The following FCAMR variants were observed in gnomAD, a reference collection of about 807,000 sequenced individuals.
FCAMR encodes the protein Fc alpha and mu receptor.
A neutral mutation model predicts 52.2 loss-of-function variants in FCAMR; 51 were observed. The ratio of observed to expected loss-of-function variants is 0.98; its 90% confidence interval spans 0.78 to 1.23. The LOEUF is 1.23. Ranked by LOEUF, FCAMR falls within the 50% of genes most tolerant of loss-of-function variation. FCAMR has a pLI of 0.00. For missense variants in FCAMR, 719 were observed against 712.6 expected (o/e 1.01, Z -0.10); for synonymous variants, 282 against 262.0 (o/e 1.08, Z -0.74).
At chr1:206,965,994 C>G in intron 3 of FCAMR, 136 bp from the exon 4 acceptor site, 1 of 1,174,022 alleles carries the variant, frequency 8.5e-7, no homozygotes, top group Non-Finnish European at 1.2e-6. Context: ...CAAGTAAGAG[C>G]TGCCTGCCCT....
In FCAMR at chr1:206,970,152, G is replaced by GA. The variant is rs1680880115; in HGVS notation, c.-28dup. On this transcript the variant is annotated 5_prime_UTR_variant, in exon 1 of 8. Transcript: ENST00000324852. ...TCAGTCCAGAAACAAGATCCAGGTG[G>GA]ACTTTTCTTCTCCTTATGAGATGCA... 8 of 1,613,684 alleles carry GA rather than the reference G, an allele frequency of 5.0e-6. No individual in the cohort carries two copies. Among genetic ancestry groups the GA allele is most frequent in the Non-Finnish European group, 5.9e-6 (7 of 1,179,786 alleles).
Position 206,959,799 on chromosome 1 carries a change from T to TACAGTG in FCAMR, c.1455-8_1455-3dup, listed in dbSNP as rs1317903472. 3.7e-6 allele frequency: 6 copies of TACAGTG among 1,610,514 alleles called. No homozygotes were observed. Among genetic ancestry groups the TACAGTG allele is most frequent in the Non-Finnish European group, 5.1e-6 (6 of 1,176,824 alleles). On this transcript the variant is annotated splice_polypyrimidine_tract_variant and splice_region_variant and intron_variant, in intron 6 of 7. Transcript: ENST00000324852. The stretch of plus-strand genomic sequence containing the variant: ...CTGCTTTCATCTTCTGGAAAAGTAC[T>TACAGTG]ACAGTGGGGGTGGAAAGAGCACAGG...
rs1388495977 is a variant in FCAMR at position 206,962,478 on chromosome 1, A to G, written c.387T>C (p.Tyr129=). 2 of 1,611,966 alleles carry G rather than the reference A, an allele frequency of 1.2e-6. No individual in the cohort carries two copies. The highest frequency in any genetic ancestry group is 2.2e-5 in the South Asian group (2 of 91,020). The stretch of plus-strand genomic sequence containing the variant: ...GGTGCCTGTTGACAGATGAGGGGGC[A>G]TAATGGCACTGGATGGTGACAGCTC... ...PGGAVTIQCH[Y]APSSVNRHQR... The change falls in exon 5 of 8, where the codon TAT becomes TAC. Residue 129 remains tyrosine, a synonymous_variant. Transcript: ENST00000324852.
rs1248115844 is a variant in FCAMR, at chr1:206,960,461, C to T, written c.1415G>A (p.Gly472Glu). ...QATLSQTPAV[G>E]PWGPPGKESS... ...CTCCTTGCCAGGGGGTCCCCAGGGT[C>T]CTACTGCCGGGGTCTGGCTCAGTGT... The change falls in exon 6 of 8, where the codon GGA becomes GAA. Residue 472 changes from glycine to glutamate, a missense_variant. Transcript: ENST00000324852. 6.5e-7 allele frequency: 1 copy of T among 1,531,122 alleles called. No homozygotes were observed. Among genetic ancestry groups the T allele is most frequent in the South Asian group, 1.2e-5 (1 of 80,524 alleles). 94.8% of individuals were successfully genotyped at this position (1,531,122 alleles called of 1,614,324 possible). A position where few individuals can be genotyped will look rare whatever the true frequency, so the allele number is the denominator to read the frequency against.
intron 1 of FCAMR, chr1:206,969,280 A>C (rs1166428539): frequency 2.2e-6 from 1 of 456,376 alleles, no homozygotes; most frequent in East Asian, 7.0e-5. Flanking sequence ...TCAGGGAGAA[A>C]AGCCGGCTCC....
At chr1:206,968,421 A>G (rs1680801068) in intron 1 of FCAMR, among the ~76,000 whole-genome samples, 1 of 152,266 alleles carries the variant, frequency 6.6e-6, no homozygotes, top group Admixed American at 6.5e-5. Context: ...TTTTTGATGG[A>G]TTAAAAATCT....
At chr1:206,962,103 G>T (rs1680529256) in intron 5 of FCAMR, 110 bp downstream of exon 5, 2 of 1,079,258 alleles carry the variant, frequency 1.9e-6, no homozygotes, top group Non-Finnish European at 2.7e-6. Flanking sequence ...GCTTTTCATT[G>T]TCACTTCCCT....
Position 206,960,584 on chromosome 1 carries a change from G to A in FCAMR, c.1292C>T (p.Pro431Leu). ...CATGCTGGTCCACACATCTGCAGCTGGAGTTCCCAAGATCCACACATCTGC... is the reference window on the plus strand; with the variant it reads ...CATGCTGGTCCACACATCTGCAGCTAGAGTTCCCAAGATCCACACATCTGC... ...PAADVWILGT[P>L]AADVWTSMEA... Residue 431 changes from proline to leucine, a missense_variant, in exon 6 of 8, where the codon CCA (proline) becomes CTA (leucine). Pro to Leu is a moderately conservative substitution (Grantham distance 98). Transcript: ENST00000324852. 1.3e-6 allele frequency: 2 copies of A among 1,551,750 alleles called. 1 individual carries two copies. Among genetic ancestry groups the A allele is most frequent in the Non-Finnish European group, 1.7e-6 (2 of 1,146,982 alleles).
At chr1:206,959,860 C>T (rs1680430378) in intron 6 of FCAMR, 63 bp from the exon 7 acceptor site, 3 of 1,289,904 alleles carry the variant, frequency 2.3e-6, no homozygotes, top group African/African-American at 1.5e-5. Flanking sequence ...AGATTAAAGA[C>T]CATTTACCCA....
At position 206,960,650 on chromosome 1, in the gene FCAMR, G is replaced by C; in HGVS notation, c.1226C>G (p.Thr409Arg). ...KQQSQGSIGE[T>R]TPAAGMWTLG... ...GGTCCACATGCCTGCAGCTGGAGTTGTTTCTCCAATGGAACCCTGAGATTG... is the reference window on the plus strand; with the variant it reads ...GGTCCACATGCCTGCAGCTGGAGTTCTTTCTCCAATGGAACCCTGAGATTG... The change falls in exon 6 of 8, where the codon ACA (threonine) becomes AGA (arginine). Residue 409 changes from threonine to arginine, a missense_variant. Transcript: ENST00000324852. 1 of 1,551,942 alleles carries C rather than the reference G, an allele frequency of 6.4e-7. No individual in the cohort carries two copies. Among genetic ancestry groups the C allele is most frequent in the South Asian group, 1.2e-5 (1 of 84,066 alleles).
chr1:206,969,995 G>T, intron 1 of FCAMR, 92 bp downstream of exon 1: 2 of 1,506,414 alleles, frequency 1.3e-6, no homozygotes, highest in Non-Finnish European at 1.8e-6. Flanking sequence ...TCTGGGAAGG[G>T]CACTGAGGAG....
chr1:206,966,291 G>A (rs1558027338), intron 3 of FCAMR, among the ~76,000 whole-genome samples: 1 of 152,182 alleles, frequency 6.6e-6, no homozygotes. Flanking sequence ...CTGAGTTGTC[G>A]TTTACTGAAA....
In FCAMR at chr1:206,960,546, C is replaced by T; in HGVS notation, c.1330G>A (p.Gly444Arg). The T allele has an allele frequency of 6.4e-7, 1 of 1,551,800 alleles. No homozygotes were observed. The highest frequency in any genetic ancestry group is 8.7e-7 in the Non-Finnish European group (1 of 1,147,024). Residue 444 changes from glycine (G) to arginine (R), a missense_variant, in exon 6 of 8, where the codon GGG becomes AGG. Coordinates refer to ENST00000324852, the MANE Select transcript of FCAMR (RefSeq NM_001170631.2). Reference protein sequence around the residue: ...DVWTSMEAASGEGSAAGDLDA... With the variant: ...DVWTSMEAASREGSAAGDLDA... ...AGGTCCCCTGCAGCGCTTCCTTCCC[C>T]AGATGCTGCCTCCATGCTGGTCCAC... is the stretch of plus-strand genomic sequence containing the variant.
Position 206,958,594 on chromosome 1 carries a change from C to T in FCAMR, c.1656G>A (p.Val552=). Residue 552 remains valine (V), a synonymous_variant, in exon 8 of 8, where the codon GTG becomes GTA. Transcript: ENST00000324852. ...AGTCATCCTGGAGCATCTTTCTTTC[C>T]ACATGGGGCAGCTGGTCTGCTTGGG... ...VNPQADQLPH[V]ERKMLQDDSL... is the part of the protein sequence containing the mutation. The T allele has an allele frequency of 2.5e-6, 4 of 1,613,910 alleles. No homozygotes were observed. Among genetic ancestry groups the T allele is most frequent in the Non-Finnish European group, 2.5e-6 (3 of 1,180,028 alleles).
At position 206,962,451 on chromosome 1, in the gene FCAMR, C is replaced by T. The variant is rs377248549; in HGVS notation, c.414G>A (p.Gln138=). ...HYAPSSVNRH[Q]RKYWCRLGPP... ...GCCCCAGACGGCACCAGTACTTCCT[C>T]TGGTGCCTGTTGACAGATGAGGGGG... Residue 138 remains glutamine, a synonymous_variant, in exon 5 of 8, where the codon CAG becomes CAA. Transcript: ENST00000324852. The T allele has an allele frequency of 6.8e-6, 11 of 1,613,870 alleles. No homozygotes were observed. The highest frequency in any genetic ancestry group is 9.3e-6 in the Non-Finnish European group (11 of 1,179,890).
rs1375894399 is a variant in FCAMR at position 206,960,920 on chromosome 1, A to G, written c.956T>C (p.Met319Thr). ...CCAAACACCTTCTGTTGTATTGGACATGCTTCTGCTCTTTGAAGGTGGACT... is the reference window on the plus strand; with the variant it reads ...CCAAACACCTTCTGTTGTATTGGACGTGCTTCTGCTCTTTGAAGGTGGACT... ...PESPPSKSRSMSNTTEGVWEG... is the reference protein window; with the variant it reads ...PESPPSKSRSTSNTTEGVWEG... Residue 319 changes from methionine to threonine, a missense_variant, in exon 6 of 8, where the codon ATG (methionine) becomes ACG (threonine). Transcript: ENST00000324852. 1.0e-5 allele frequency: 16 copies of G among 1,552,146 alleles called. No individual in the cohort carries two copies. The Admixed American group carries it at 2.7e-4, about 27-fold the overall frequency.
intron 5 of FCAMR, among the ~76,000 whole-genome samples, chr1:206,961,589 C>G (rs1011984051): frequency 6.6e-6 from 1 of 152,244 alleles, no homozygotes; most frequent in Non-Finnish European, 1.5e-5. Context: ...CAGAGCAGCC[C>G]GTTGCAGCAG....
intron 4 of FCAMR, among the ~76,000 whole-genome samples, chr1:206,963,481 A>G (rs761799263): frequency 1.3e-5 from 2 of 152,148 alleles, no homozygotes; most frequent in African/African-American, 2.4e-5. Context: ...CATGTATAGT[A>G]GCTTTCTTTC....
Position 206,967,188 on chromosome 1 carries a change from T to C in FCAMR, c.109-76A>G, listed in dbSNP as rs1167967377. 8.8e-6 allele frequency: 13 copies of C among 1,480,124 alleles called. No individual in the cohort carries two copies. The Admixed American group carries it at 2.4e-4, about 27-fold the overall frequency. 91.7% of individuals were successfully genotyped at this position (1,480,124 alleles called of 1,614,324 possible). A position where few individuals can be genotyped will look rare whatever the true frequency, so the allele number is the denominator to read the frequency against. Reference sequence around the variant, plus strand: ...GTGGTGGGACTTGAGAGAACAAGCATCTTCTCACTTTGGGATCTCGGTTTG... The same window carrying C: ...GTGGTGGGACTTGAGAGAACAAGCACCTTCTCACTTTGGGATCTCGGTTTG... On this transcript the variant is annotated intron_variant, in intron 2 of 7. Transcript: ENST00000324852.
Sources: gnomAD v4.1 joint callset for allele counts (sites outside exome capture counted in the v4.1 genomes callset) on GRCh38, gnomAD v4.1.1 for gene constraint, MANE v1.5 for transcripts, NCBI Gene and HGNC (gene_info 2026-07-23, HGNC 2026-07-21) for gene names.